EPB41L4A: variants seen among roughly 807,000 people sequenced by gnomAD.
EPB41L4A encodes the protein erythrocyte membrane protein band 4.1 like 4A, also known as band 4.1-like protein 4A.
In EPB41L4A, 100 loss-of-function variants were observed where a neutral mutation model predicts 108.6. That is an observed-to-expected ratio of 0.92 (90% confidence interval 0.78 to 1.09). The LOEUF (loss-of-function observed/expected upper bound fraction) is 1.09, where lower values mean the gene tolerates loss of function less well. Among genes scored for constraint, EPB41L4A ranks in the 50% least tolerant of loss-of-function variants. The pLI, the probability that EPB41L4A is intolerant of heterozygous loss-of-function variation, is 0.00. For synonymous variants in EPB41L4A, 319 were observed against 289.0 expected (o/e 1.10, Z -1.05); for missense variants, 1,030 against 842.7 (o/e 1.22, Z -2.75).
In EPB41L4A at chr5:112,204,481, A is replaced by T; in HGVS notation, c.1270T>A (p.Tyr424Asn). Residue 424 changes from tyrosine to asparagine, a missense_variant, in exon 15 of 23, where the codon TAC (tyrosine) becomes AAC (asparagine). Physicochemically the swap from Tyr to Asn is moderately radical, Grantham distance 143. Coordinates refer to ENST00000261486, the MANE Select transcript of EPB41L4A (RefSeq NM_022140.5). ...WEENGPQSGLYNSPSDRTKSP... is the reference protein window; with the variant it reads ...WEENGPQSGLNNSPSDRTKSP... ...TTAGTGCGATCACTGGGAGAATTGT[A>T]GAGTCCACTGGAGAGAAAGAAAAAT... 1 of 1,610,070 alleles carries T rather than the reference A, an allele frequency of 6.2e-7. No individual in the cohort carries two copies. The highest frequency in any genetic ancestry group is 8.5e-7 in the Non-Finnish European group (1 of 1,176,406).
At chr5:112,359,917 T>C (rs576483164) in intron 1 of EPB41L4A, among the ~76,000 whole-genome samples, 1 of 152,336 alleles carries the variant, frequency 6.6e-6, no homozygotes, top group Admixed American at 6.5e-5. Flanking sequence ...GCATTTTCAC[T>C]TTCCATCTCA....
intron 12 of EPB41L4A, among the ~76,000 whole-genome samples, chr5:112,230,216 A>T (rs1293548803): frequency 6.6e-6 from 1 of 152,112 alleles, no homozygotes; most frequent in African/African-American, 2.4e-5. Context: ...TTTCTTATAT[A>T]ATGACTTCTT....
chr5:112,259,406 T>C, intron 8 of EPB41L4A, 114 bp from the exon 9 acceptor site: 1 of 785,350 alleles, frequency 1.3e-6, no homozygotes, highest in Non-Finnish European at 2.2e-6. Context: ...TATATACTGC[T>C]CCATACCCAG....
At chr5:112,379,632 T>C (rs1214906391) in intron 1 of EPB41L4A, among the ~76,000 whole-genome samples, 1 of 152,162 alleles carries the variant, frequency 6.6e-6, no homozygotes, top group Non-Finnish European at 1.5e-5. Flanking sequence ...AAAAGGAAGA[T>C]GAGATCTCAC....
intron 12 of EPB41L4A, among the ~76,000 whole-genome samples, chr5:112,234,415 C>T (rs1749182707): frequency 6.6e-6 from 1 of 151,790 alleles, no homozygotes; most frequent in Non-Finnish European, 1.5e-5. Flanking sequence ...AGTCATTAAG[C>T]AGGCCATGGT....
chr5:112,187,896 G>A (rs918169559), intron 17 of EPB41L4A, among the ~76,000 whole-genome samples: 25 of 152,268 alleles, frequency 1.6e-4, no homozygotes, highest in African/African-American at 6.0e-4. Flanking sequence ...TCCATTCCCA[G>A]CTCTGCCATT....
chr5:112,270,442 A>C (rs1442881773), intron 4 of EPB41L4A, among the ~76,000 whole-genome samples: 1 of 152,208 alleles, frequency 6.6e-6, no homozygotes, highest in Non-Finnish European at 1.5e-5. Context: ...AGTCAAAGGG[A>C]AACATTTAAA....
At chr5:112,243,450 T>C (rs1056584664) in intron 9 of EPB41L4A, among the ~76,000 whole-genome samples, 1 of 152,090 alleles carries the variant, frequency 6.6e-6, no homozygotes, top group Non-Finnish European at 1.5e-5. Flanking sequence ...CAACTTAAAG[T>C]CACCAGCTGC....
intron 1 of EPB41L4A, among the ~76,000 whole-genome samples, chr5:112,322,548 T>G (rs1755862358): frequency 6.6e-6 from 1 of 152,186 alleles, no homozygotes. Flanking sequence ...GCACTGGGGT[T>G]GATGCTTGGA....
intron 2 of EPB41L4A, among the ~76,000 whole-genome samples, chr5:112,303,555 T>C (rs1343583602): frequency 1.3e-5 from 2 of 151,934 alleles, no homozygotes; most frequent in African/African-American, 4.8e-5. Flanking sequence ...TGAACAGGAA[T>C]AACTAGAGAA....
rs7716479 is a variant in EPB41L4A, at chr5:112,264,640, A to G, written c.554+256T>C. The G allele has an allele frequency of 0.017, 4,574 of 272,370 alleles. 425 individuals are homozygous for G. In the East Asian group the frequency reaches 0.23, roughly 13 times the overall value. 16.9% of individuals were successfully genotyped at this position (272,370 alleles called of 1,614,324 possible). A position where few individuals can be genotyped will look rare whatever the true frequency, so the allele number is the denominator to read the frequency against. ...ATTTTCTCTGGGAAATTGTACATAC[A>G]AAGAGATGTCTGAAAGGCCATTGAC... On this transcript the variant is annotated intron_variant, in intron 6 of 22. Transcript: ENST00000261486.
chr5:112,301,363 C>G (rs1754349687), intron 2 of EPB41L4A, among the ~76,000 whole-genome samples: 1 of 152,116 alleles, frequency 6.6e-6, no homozygotes, highest in Non-Finnish European at 1.5e-5. Context: ...AGCACTCTCC[C>G]CCTTTTCCTA....
chr5:112,178,854 A>G (rs190639826), intron 18 of EPB41L4A, among the ~76,000 whole-genome samples: 2 of 152,100 alleles, frequency 1.3e-5, no homozygotes, highest in East Asian at 3.9e-4. Flanking sequence ...GAAGATGAAA[A>G]AAGAAGAGCA....
Position 112,334,182 on chromosome 5 carries a change from C to A in EPB41L4A, c.100-26692G>T, listed in dbSNP as rs149198933. ...AAACCCTTTTTGTAGCAACAAGATA[C>A]CAATTCCAACCTGACTTTGGTATAT... is the stretch of plus-strand genomic sequence containing the variant. On this transcript the variant is annotated intron_variant, in intron 1 of 22. Coordinates refer to ENST00000261486, the MANE Select transcript of EPB41L4A (RefSeq NM_022140.5). Among the ~76,000 whole-genome samples the A allele has an allele frequency of 7.7e-4, 117 of 152,290 alleles. 2 individuals are homozygous for A. The East Asian group carries it at 0.018, about 23-fold the overall frequency.
chr5:112,285,747 A>G (rs1254524722), intron 2 of EPB41L4A, among the ~76,000 whole-genome samples: 1 of 152,122 alleles, frequency 6.6e-6, no homozygotes. Flanking sequence ...TCATCCATGG[A>G]CCCTGACACC....
At chr5:112,416,754 T>C (rs909740246) in intron 1 of EPB41L4A, among the ~76,000 whole-genome samples, 3 of 152,176 alleles carry the variant, frequency 2.0e-5, no homozygotes, top group Non-Finnish European at 4.4e-5. Flanking sequence ...ACAGGAAGGT[T>C]AGGAAAAAGT....
At chr5:112,315,564 C>T (rs779520696) in intron 1 of EPB41L4A, among the ~76,000 whole-genome samples, 7 of 152,148 alleles carry the variant, frequency 4.6e-5, no homozygotes, top group Non-Finnish European at 1.0e-4. Context: ...TGTTATATCA[C>T]CTGATACACA....
chr5:112,305,915 GA>G (rs1427217978), intron 2 of EPB41L4A, among the ~76,000 whole-genome samples: 1 of 151,860 alleles, frequency 6.6e-6, no homozygotes, highest in Non-Finnish European at 1.5e-5. Context: ...AAAGTAAGAG[GA>G]AAAAAATGTT....
At chr5:112,417,711 A>C (rs1412839159) in intron 1 of EPB41L4A, among the ~76,000 whole-genome samples, 1 of 152,234 alleles carries the variant, frequency 6.6e-6, no homozygotes, top group African/African-American at 2.4e-5. Context: ...AATTTTGCTC[A>C]GTATAATTAC....
Sources: gnomAD v4.1 joint callset for allele counts (sites outside exome capture counted in the v4.1 genomes callset) on GRCh38, gnomAD v4.1.1 for gene constraint, MANE v1.5 for transcripts, NCBI Gene and HGNC (gene_info 2026-07-23, HGNC 2026-07-21) for gene names.